Variants in FAM90A20 observed in about 807,000 individuals in gnomAD.
FAM90A20 encodes protein FAM90A20.
the FAM90A20 span, chr8:7,296,410 C>G: frequency 1.4e-5 from 10 of 739,150 alleles, 1 homozygote; most frequent in Non-Finnish European, 2.2e-5. Flanking sequence ...GAGTGTCACC[C>G]CGGGCCCCTG....
the FAM90A20 span, chr8:7,295,847 G>T: frequency 1.4e-6 from 1 of 721,524 alleles, no homozygotes; most frequent in Non-Finnish European, 2.4e-6. Context: ...AGTGGGAGGG[G>T]TTTTCACCAC....
the FAM90A20 span, chr8:7,296,348 A>G: frequency 2.7e-6 from 2 of 744,072 alleles, no homozygotes; most frequent in Admixed American, 3.5e-5. Context: ...CCTCCAGAGA[A>G]GCCGCTGCCG....
the FAM90A20 span, chr8:7,297,436 C>T: frequency 8.9e-4 from 1,387 of 1,556,276 alleles, 151 homozygotes; most frequent in South Asian, 1.1e-3. Flanking sequence ...CCTCACAGCC[C>T]TGCCCATCAG....
chr8:7,295,660 C>T, the FAM90A20 span: 2 of 710,398 alleles, frequency 2.8e-6, no homozygotes, highest in South Asian at 2.9e-5. Context: ...GGGCCTTTGG[C>T]CACACGGCCA....
the FAM90A20 span, among the ~76,000 whole-genome samples, chr8:7,296,769 G>T: frequency 2.2e-5 from 3 of 136,070 alleles, no homozygotes; most frequent in Non-Finnish European, 4.5e-5. Context: ...CCATTAGTCC[G>T]TTCCACTTCA....
chr8:7,297,535 G>C, the FAM90A20 span: 1 of 1,523,664 alleles, frequency 6.6e-7, no homozygotes, highest in South Asian at 1.1e-5. Context: ...AGGCTTGCCT[G>C]AACTTCCCCA....
chr8:7,297,224 C>A, the FAM90A20 span: 2 of 1,522,420 alleles, frequency 1.3e-6, no homozygotes, highest in East Asian at 2.2e-5. Context: ...AAGTCTTGGA[C>A]CAAAGGAAAG....
At chr8:7,297,422 G>T in the FAM90A20 span, 7 of 1,555,198 alleles carry the variant, frequency 4.5e-6, no homozygotes, top group East Asian at 2.2e-5. Context: ...ACGTCCTGCG[G>T]TGACCTCACA....
chr8:7,297,843 G>T, the FAM90A20 span: 4 of 937,254 alleles, frequency 4.3e-6, no homozygotes, highest in South Asian at 1.3e-5. Context: ...GGACGCTGGA[G>T]CTCCAGCCTC....
the FAM90A20 span, chr8:7,297,909 G>T: frequency 4.1e-6 from 3 of 729,338 alleles, no homozygotes; most frequent in African/African-American, 5.5e-5. Flanking sequence ...CTCGCTCAGA[G>T]CCCTCATGTG....
At chr8:7,297,012 T>G in the FAM90A20 span, 20 of 1,422,140 alleles carry the variant, frequency 1.4e-5, 1 homozygote, top group East Asian at 3.9e-4. Flanking sequence ...GATTTTCATG[T>G]TGGCTCCATG....
At chr8:7,295,515 T>C in the FAM90A20 span, 1 of 565,970 alleles carries the variant, frequency 1.8e-6, no homozygotes, top group South Asian at 1.8e-5. Context: ...CATGCCGGTG[T>C]CCCCTCTTTG....
chr8:7,295,810 A>C, the FAM90A20 span: 3 of 1,032,972 alleles, frequency 2.9e-6, no homozygotes, highest in Admixed American at 3.5e-5. Flanking sequence ...AGGATAAGGG[A>C]GAGAAGGAAG....
At chr8:7,295,825 A>T in the FAM90A20 span, 1 of 918,668 alleles carries the variant, frequency 1.1e-6, no homozygotes. Flanking sequence ...AGGAAGAGAG[A>T]CCAAGGTGAG....
At chr8:7,297,611 C>G in the FAM90A20 span, 16 of 1,446,506 alleles carry the variant, frequency 1.1e-5, no homozygotes, top group South Asian at 7.9e-5. Context: ...GCTGGGGGCC[C>G]CGGAGAATCT....
At chr8:7,297,435 C>G in the FAM90A20 span, 12 of 1,556,392 alleles carry the variant, frequency 7.7e-6, 2 homozygotes, top group East Asian at 2.2e-5. Context: ...ACCTCACAGC[C>G]CTGCCCATCA....
the FAM90A20 span, chr8:7,297,697 G>T: frequency 0.2 from 284,431 of 1,413,564 alleles, 47,619 homozygotes; most frequent in East Asian, 0.38. Flanking sequence ...CGGCCCAGGT[G>T]CCCAGCGTTG....
chr8:7,297,401 G>T, the FAM90A20 span: 1 of 1,539,794 alleles, frequency 6.5e-7, no homozygotes, highest in South Asian at 1.1e-5. Flanking sequence ...CAGAACCCAG[G>T]CACAAGACAA....
the FAM90A20 span, chr8:7,297,776 G>C: frequency 6.9e-7 from 1 of 1,443,496 alleles, no homozygotes; most frequent in Admixed American, 1.7e-5. Flanking sequence ...CCATCACCCA[G>C]CGGCCAGCCA....
Sources: gnomAD v4.1 joint callset for allele counts (sites outside exome capture counted in the v4.1 genomes callset) on GRCh38, gnomAD v4.1.1 for gene constraint, MANE v1.5 for transcripts, NCBI Gene and HGNC (gene_info 2026-07-23, HGNC 2026-07-21) for gene names.